Variants in TCN1 observed in about 807,000 individuals in gnomAD.
TCN1 encodes transcobalamin-1.
TCN1 carries 47 observed loss-of-function variants against 46.3 expected under a neutral mutation model. The ratio of observed to expected loss-of-function variants is 1.01; its 90% CI spans 0.80 to 1.29. The LOEUF is 1.29. Among genes scored for constraint, TCN1 ranks in the 50% most tolerant of loss-of-function variants. The pLI, the probability that TCN1 is intolerant of heterozygous loss-of-function variation, is 0.00. For missense variants in TCN1, 532 were observed against 511.0 expected (o/e 1.04, Z -0.40); for synonymous variants, 183 against 192.5 (o/e 0.95, Z 0.41).
In TCN1 at chr11:59,864,177, T is replaced by C; in HGVS notation, c.80-91A>G. ...TTATATAAAAATATTTAGTAACAGA[T>C]ATGGCACAGACCTAGACCAATCCAG... On this transcript the variant is annotated intron_variant, in intron 1 of 8. Transcript: ENST00000257264. The C allele has an allele frequency of 2.1e-6, 3 of 1,443,058 alleles. No individual in the cohort carries two copies. The Admixed American group carries it at 5.1e-5, about 25-fold the overall frequency. The allele number at this position is 1,443,058 out of a possible 1,614,324, so 89.4% of individuals were successfully genotyped here.
chr11:59,863,938 G>A lies in TCN1; in HGVS notation c.228C>T (p.Ile76=). The change falls in exon 2 of 9, where the codon ATC becomes ATT. Residue 76 remains isoleucine (I), a synonymous_variant. Coordinates refer to ENST00000257264, the MANE Select transcript of TCN1 (RefSeq NM_001062.4). ...TTTTCACATTGTATTTGATTTGTTG[G>A]ATCATCTTTTGCATCAGGGTTTGGA... ...IQIQTLMQKM[I]QQIKYNVKSR... is the part of the protein sequence containing the mutation. 1.2e-6 allele frequency: 2 copies of A among 1,613,772 alleles called. No homozygotes were observed. The highest frequency in any genetic ancestry group is 1.7e-6 in the Non-Finnish European group (2 of 1,179,804).
Position 59,861,561 on chromosome 11 carries a change from A to G in TCN1, c.522T>C (p.Asn174=), listed in dbSNP as rs778626362. The G allele has an allele frequency of 6.2e-7, 1 of 1,614,096 alleles. No homozygotes were observed. Among genetic ancestry groups the G allele is most frequent in the South Asian group, 1.1e-5 (1 of 91,082 alleles). The change falls in exon 4 of 9, where the codon AAT becomes AAC. Residue 174 remains asparagine (N), a synonymous_variant. Transcript: ENST00000257264. ...AEVVNHFTPE[N]KNYYFGSQFS... ...ACTGGCTACCAAAATAATAGTTTTT[A>G]TTTTCAGGAGTGAAGTGGTTGACAA...
rs1472554834 is a variant in TCN1 at position 59,864,065 on chromosome 11, A to G, written c.101T>C (p.Ile34Thr). Residue 34 changes from isoleucine (I) to threonine (T), a missense_variant, in exon 2 of 9, where the codon ATC becomes ACC. Coordinates refer to ENST00000257264, the MANE Select transcript of TCN1 (RefSeq NM_001062.4). ...TGTATTCAACAGAGGTTTTAGGCGG[A>G]TGTAGTTTTCTTCACTTACCTCTGT... ...EICEVSEENY[I>T]RLKPLLNTMI... 8.7e-6 allele frequency: 14 copies of G among 1,613,888 alleles called. No individual in the cohort carries two copies. In the East Asian group the frequency reaches 2.7e-4, roughly 31 times the overall value.
In TCN1 at chr11:59,853,305, G is replaced by T. The variant is rs768233296; in HGVS notation, c.1138C>A (p.Arg380Ser). ...DTIFGFTMEE[R>S]SWGPYITCIQ... The stretch of plus-strand genomic sequence containing the variant: ...CAGGTGATATAGGGCCCCCATGAGC[G>T]CTCCTCCATTGTGAAACTGTGGGTG... The change falls in exon 8 of 9, where the codon CGC (arginine) becomes AGC (serine). Residue 380 changes from arginine to serine, a missense_variant. Arg to Ser is a moderately radical substitution (Grantham distance 110). Coordinates refer to ENST00000257264, the MANE Select transcript of TCN1 (RefSeq NM_001062.4). 5 of 1,613,920 alleles carry T rather than the reference G, an allele frequency of 3.1e-6. No homozygotes were observed. The highest frequency in any genetic ancestry group is 1.7e-5 in the Admixed American group (1 of 59,988).
chr11:59,860,492 C>G (rs1853005802), intron 4 of TCN1, among the ~76,000 whole-genome samples: 1 of 151,664 alleles, frequency 6.6e-6, no homozygotes, highest in Admixed American at 6.6e-5. Flanking sequence ...CATAAAACAC[C>G]TATGGATTTG....
chr11:59,861,641 T>C lies in TCN1; in HGVS notation c.442A>G (p.Ser148Gly). The C allele has an allele frequency of 6.2e-7, 1 of 1,612,630 alleles. No homozygotes were observed. The highest frequency in any genetic ancestry group is 1.1e-5 in the South Asian group (1 of 91,064). The change falls in exon 4 of 9, where the codon AGC (serine) becomes GGC (glycine). Residue 148 changes from serine to glycine, a missense_variant. Transcript: ENST00000257264. ...GTPLTNYYQL[S>G]LDVLALCLFN... ...AGACACAAGGCCAAAACGTCCAGGCTGAGCTGGTAGTAGTTAGTCAGGGGA... is the reference window on the plus strand; with the variant it reads ...AGACACAAGGCCAAAACGTCCAGGCCGAGCTGGTAGTAGTTAGTCAGGGGA...
chr11:59,863,889 G>T lies in TCN1; in HGVS notation c.259+18C>A. ...GGTAGATTTTTTTCTAAATCTTCCA[G>T]AATATACAGCAACTTACATCTGCTT... On this transcript the variant is annotated intron_variant, in intron 2 of 8. Coordinates refer to ENST00000257264, the MANE Select transcript of TCN1 (RefSeq NM_001062.4). 6.2e-7 allele frequency: 1 copy of T among 1,613,358 alleles called. No homozygotes were observed. Among genetic ancestry groups the T allele is most frequent in the East Asian group, 2.2e-5 (1 of 44,864 alleles).
chr11:59,856,185 G>A lies in TCN1; in HGVS notation c.748-127C>T, dbSNP rs1852936019. The A allele has an allele frequency of 1.2e-5, 9 of 729,288 alleles. No homozygotes were observed. The East Asian group carries it at 2.1e-4, about 17-fold the overall frequency. The allele number at this position is 729,288 out of a possible 1,614,324, so 45.2% of individuals were successfully genotyped here. On this transcript the variant is annotated intron_variant, in intron 5 of 8. Coordinates refer to ENST00000257264, the MANE Select transcript of TCN1 (RefSeq NM_001062.4). The stretch of plus-strand genomic sequence containing the variant: ...ATATGTAACTAATTCAGTATTAATT[G>A]AACATTGACTACCTAGGAAGCACCT...
chr11:59,861,949 A>G (rs1853019308), intron 3 of TCN1, among the ~76,000 whole-genome samples: 1 of 152,230 alleles, frequency 6.6e-6, no homozygotes, highest in South Asian at 2.1e-4. Context: ...TCAGATGGTT[A>G]CAGAGTTAGG....
At chr11:59,865,410 A>G (rs1442380489) in intron 1 of TCN1, among the ~76,000 whole-genome samples, 2 of 152,164 alleles carry the variant, frequency 1.3e-5, no homozygotes, top group African/African-American at 2.4e-5. Context: ...TAAAACCTAC[A>G]TAGCCATTCC....
intron 1 of TCN1, among the ~76,000 whole-genome samples, chr11:59,865,224 A>T (rs541121): frequency 6.0e-4 from 91 of 152,158 alleles, no homozygotes; most frequent in Non-Finnish European, 1.3e-4. Context: ...TTTGTTGCAG[A>T]CACAATGGAA....
chr11:59,859,039 A>G (rs1490708228), intron 5 of TCN1, 38 bp downstream of exon 5: 3 of 1,562,136 alleles, frequency 1.9e-6, no homozygotes, highest in South Asian at 1.1e-5. Context: ...TCCAGAGAAG[A>G]CTCCCTTCTC....
At position 59,852,992 on chromosome 11, in the gene TCN1, G is replaced by C; in HGVS notation, c.1285C>G (p.Arg429Gly). ...TGGGCTTATTAGTATTTGCTCCAGC[G>C]AACCTCCAAGTTTTCTCCATTGCGG... ...VVRNGENLEVRWSKY is the reference protein window; with the variant it reads ...VVRNGENLEVGWSKY Residue 429 changes from arginine (R) to glycine (G), a missense_variant, in exon 9 of 9, where the codon CGC (arginine) becomes GGC (glycine). Transcript: ENST00000257264. The C allele has an allele frequency of 6.2e-7, 1 of 1,614,048 alleles. No homozygotes were observed. The highest frequency in any genetic ancestry group is 1.1e-5 in the South Asian group (1 of 91,082).
At chr11:59,860,259 A>G (rs1853002428) in intron 4 of TCN1, among the ~76,000 whole-genome samples, 1 of 152,030 alleles carries the variant, frequency 6.6e-6, no homozygotes. Context: ...CCTCCTGAGT[A>G]GCTGGGATTA....
chr11:59,855,990 CA>C lies in TCN1; in HGVS notation c.815del (p.Val272GlyfsTer23). The C allele has an allele frequency of 6.3e-7, 1 of 1,581,064 alleles. No individual in the cohort carries two copies. The highest frequency in any genetic ancestry group is 1.1e-5 in the South Asian group (1 of 90,604). On this transcript the variant is annotated frameshift_variant, in exon 6 of 9. Coordinates refer to ENST00000257264, the MANE Select transcript of TCN1 (RefSeq NM_001062.4). LOFTEE classifies it high-confidence loss of function. ...ATGCTCCTTGAGAAATTTCCGTGAG[CA>C]CTGTATTCAGAGTTTGTTGGCAATT... ...DWNCQQTLNTVLTEISQGAFS... is the reference protein window; with the variant it reads ...DWNCQQTLNTXLTEISQGAFS...
At chr11:59,859,975 A>G (rs1852999269) in intron 4 of TCN1, among the ~76,000 whole-genome samples, 1 of 152,230 alleles carries the variant, frequency 6.6e-6, no homozygotes, top group Non-Finnish European at 1.5e-5. Flanking sequence ...AACATCCTGG[A>G]AAGCATCTAA....
At chr11:59,865,829 C>T (rs1853067294) in intron 1 of TCN1, among the ~76,000 whole-genome samples, 1 of 152,152 alleles carries the variant, frequency 6.6e-6, no homozygotes, top group Non-Finnish European at 1.5e-5. Flanking sequence ...CTGGGGTCAA[C>T]ACCCATGCAA....
rs776367312 is a variant in TCN1 at position 59,852,961 on chromosome 11, A to C, written c.*14T>G. The C allele has an allele frequency of 1.9e-6, 3 of 1,613,708 alleles. No individual in the cohort carries two copies. In the Admixed American group the frequency reaches 5.0e-5, roughly 27 times the overall value. ...GCAAATGGATTTTATGCAGCTGAGG[A>C]AAGTTTGGGCTTATTAGTATTTGCT... On this transcript the variant is annotated 3_prime_UTR_variant, in exon 9 of 9. Coordinates refer to ENST00000257264, the MANE Select transcript of TCN1 (RefSeq NM_001062.4).
chr11:59,858,773 G>A (rs1210427407), intron 5 of TCN1, among the ~76,000 whole-genome samples: 7 of 152,078 alleles, frequency 4.6e-5, no homozygotes, highest in Middle Eastern at 3.4e-3. Context: ...GTTCGAGACC[G>A]GCCTGGCCAA....
Sources: gnomAD v4.1 joint callset for allele counts (sites outside exome capture counted in the v4.1 genomes callset) on GRCh38, gnomAD v4.1.1 for gene constraint, MANE v1.5 for transcripts, NCBI Gene and HGNC (gene_info 2026-07-23, HGNC 2026-07-21) for gene names.